The following SPANXN2 variants were observed in gnomAD, a reference collection of about 807,000 sequenced individuals.
SPANXN2 encodes sperm protein associated with the nucleus on the X chromosome N2.
Under a neutral mutation model 2.0 loss-of-function variants are expected in SPANXN2, and 1 was observed. The ratio of observed to expected loss-of-function variants is 0.50; its 90% CI spans 0.18 to 2.36. The LOEUF (loss-of-function observed/expected upper bound fraction) is 2.36. Ranked by LOEUF, SPANXN2 falls within the 30% of genes most tolerant of loss-of-function variation. SPANXN2 has a pLI of 0.26. For synonymous variants in SPANXN2, 43 were observed against 49.8 expected (o/e 0.86, Z 0.58); for missense variants, 88 against 116.7 (o/e 0.75, Z 1.13).
At chrX:143,715,504 C>A (rs142718403) in intron 1 of SPANXN2, among the ~76,000 whole-genome samples, 5 of 109,583 alleles carry the variant, frequency 4.6e-5, no homozygotes, top group Non-Finnish European at 1.9e-5. Flanking sequence ...CCTCTCCCCC[C>A]ACTCATCCTC....
chrX:143,719,306 C>G (rs1209843790), intron 1 of SPANXN2, among the ~76,000 whole-genome samples: 1 of 111,277 alleles, frequency 9.0e-6, no homozygotes, highest in Non-Finnish European at 1.9e-5. Flanking sequence ...TGGAAAATAT[C>G]CACAAACAAT....
At chrX:143,716,784 C>G (rs1158929426) in intron 1 of SPANXN2, among the ~76,000 whole-genome samples, 1 of 112,016 alleles carries the variant, frequency 8.9e-6, no homozygotes, top group Non-Finnish European at 1.9e-5. Flanking sequence ...TGCATCTTCC[C>G]ATTATCTACA....
intron 1 of SPANXN2, among the ~76,000 whole-genome samples, chrX:143,719,104 G>A (rs1420357164): frequency 4.5e-5 from 5 of 109,996 alleles, no homozygotes; most frequent in East Asian, 2.9e-4. Context: ...AATCTTGCTC[G>A]GCTAATCACC....
intron 1 of SPANXN2, among the ~76,000 whole-genome samples, chrX:143,717,455 T>C (rs1294099394): frequency 9.0e-6 from 1 of 111,027 alleles, no homozygotes; most frequent in Non-Finnish European, 1.9e-5. Context: ...AGGCAGCCCT[T>C]AAAACCCCAT....
intron 1 of SPANXN2, among the ~76,000 whole-genome samples, chrX:143,717,434 G>A (rs1381774235): frequency 1.7e-4 from 19 of 110,727 alleles, no homozygotes; most frequent in Non-Finnish European, 1.1e-4. Flanking sequence ...CAACAAATTC[G>A]GCAGCCTGGC....
intron 1 of SPANXN2, among the ~76,000 whole-genome samples, chrX:143,712,765 G>A (rs782506534): frequency 5.4e-5 from 6 of 111,477 alleles, no homozygotes; most frequent in Non-Finnish European, 9.4e-5. Flanking sequence ...CTCCATGGGG[G>A]CTCAGGCCGT....
exon 2 of SPANXN2, chrX:143,712,029 G>C: frequency 3.3e-6 from 4 of 1,212,202 alleles, no homozygotes; most frequent in Non-Finnish European, 4.5e-6. Context: ...GTTTCTCCAT[G>C]TTTGACTAGT....
chrX:143,720,627 C>T, exon 1 of SPANXN2: 1 of 1,211,302 alleles, frequency 8.3e-7, no homozygotes, highest in South Asian at 1.8e-5. Flanking sequence ...CACAGGGGCT[C>T]TTCCTCTTCT....
At chrX:143,719,169 C>T (rs1932318420) in intron 1 of SPANXN2, among the ~76,000 whole-genome samples, 1 of 110,896 alleles carries the variant, frequency 9.0e-6, no homozygotes, top group Non-Finnish European at 1.9e-5. Context: ...ACAGGGCTGT[C>T]ACCCTCCTTC....
intron 1 of SPANXN2, among the ~76,000 whole-genome samples, chrX:143,714,375 C>T (rs1395384288): frequency 1.8e-5 from 2 of 111,614 alleles, no homozygotes; most frequent in Non-Finnish European, 3.8e-5. Flanking sequence ...TATGACCTTA[C>T]CTGGCATGAC....
At chrX:143,719,898 A>G (rs1319380381) in intron 1 of SPANXN2, among the ~76,000 whole-genome samples, 1 of 109,113 alleles carries the variant, frequency 9.2e-6, no homozygotes, top group African/African-American at 3.3e-5. Context: ...TCACCTTCAT[A>G]TCCTGCTTTA....
intron 1 of SPANXN2, among the ~76,000 whole-genome samples, chrX:143,719,399 T>G (rs1345589730): frequency 9.0e-6 from 1 of 111,574 alleles, no homozygotes; most frequent in African/African-American, 3.3e-5. Context: ...CTGCTCTCTC[T>G]CCAAAACCAA....
chrX:143,715,038 G>A (rs1556449313), intron 1 of SPANXN2, among the ~76,000 whole-genome samples: 3 of 111,172 alleles, frequency 2.7e-5, no homozygotes, highest in South Asian at 3.9e-4. Flanking sequence ...CCCATCTGTG[G>A]TATCAAGCAA....
At chrX:143,718,443 CG>C (rs1383040731) in intron 1 of SPANXN2, among the ~76,000 whole-genome samples, 21 of 111,728 alleles carry the variant, frequency 1.9e-4, no homozygotes, top group African/African-American at 4.6e-4. Context: ...CCTCCTCCCC[CG>C]CTCTCCAACC....
intron 1 of SPANXN2, among the ~76,000 whole-genome samples, chrX:143,712,917 A>G (rs1932193904): frequency 9.0e-6 from 1 of 111,701 alleles, no homozygotes; most frequent in Admixed American, 9.5e-5. Flanking sequence ...CCACCTGATC[A>G]TAAGAACATC....
In SPANXN2 at chrX:143,717,761, A is replaced by G. The variant is rs781850433; in HGVS notation, c.78+2830T>C. On this transcript the variant is annotated intron_variant, in intron 1 of 1. Transcript: ENST00000598475. ...CACTCAAACTTCCCCTCAGGAAGCTATCAAACCATCTCCTTTCCCACACAC... is the reference window on the plus strand; with the variant it reads ...CACTCAAACTTCCCCTCAGGAAGCTGTCAAACCATCTCCTTTCCCACACAC... Among the ~76,000 whole-genome samples the G allele has an allele frequency of 1.1e-3, 127 of 111,977 alleles. 2 individuals are homozygous for G. Among genetic ancestry groups the G allele is most frequent in the African/African-American group, 4.0e-3 (123 of 30,749 alleles).
intron 1 of SPANXN2, among the ~76,000 whole-genome samples, chrX:143,717,828 C>T (rs782271517): frequency 8.9e-6 from 1 of 112,018 alleles, no homozygotes; most frequent in East Asian, 2.8e-4. Context: ...AGCAAATCAA[C>T]ATCACTCACA....
intron 1 of SPANXN2, among the ~76,000 whole-genome samples, chrX:143,716,944 C>T (rs1220173821): frequency 8.9e-6 from 1 of 111,864 alleles, no homozygotes; most frequent in Admixed American, 9.4e-5. Context: ...ACTTCCGACT[C>T]TAAGCTCTCT....
intron 1 of SPANXN2, among the ~76,000 whole-genome samples, chrX:143,719,730 C>G (rs1932329743): frequency 9.0e-6 from 1 of 111,062 alleles, no homozygotes; most frequent in South Asian, 3.9e-4. Context: ...TAGCTTCTGT[C>G]TCATCTTCCT....
Sources: gnomAD v4.1 joint callset for allele counts (sites outside exome capture counted in the v4.1 genomes callset) on GRCh38, gnomAD v4.1.1 for gene constraint, MANE v1.5 for transcripts, NCBI Gene and HGNC (gene_info 2026-07-23, HGNC 2026-07-21) for gene names.